The following ME1 variants were observed in gnomAD, a reference collection of about 807,000 sequenced individuals.
ME1 encodes the protein NADP-dependent malic enzyme.
ME1 carries 74 observed loss-of-function variants against 66.4 expected under a neutral mutation model. The observed-to-expected ratio is 1.11, with a 90% confidence interval of 0.92 to 1.35. The LOEUF is 1.35. ME1 is among the 40% of genes most tolerant of loss of function. The pLI is 0.00. For missense variants in ME1, 750 were observed against 694.1 expected (o/e 1.08, Z -0.90); for synonymous variants, 251 against 235.6 (o/e 1.07, Z -0.60).
chr6:83,260,522 T>C (rs779271960), intron 6 of ME1, among the ~76,000 whole-genome samples: 5 of 152,202 alleles, frequency 3.3e-5, no homozygotes, highest in Non-Finnish European at 7.3e-5. Flanking sequence ...ATCACCTAGA[T>C]GCTAAGCCTG....
intron 1 of ME1, among the ~76,000 whole-genome samples, chr6:83,423,635 C>A (rs1022865295): frequency 2.0e-5 from 3 of 151,662 alleles, no homozygotes; most frequent in African/African-American, 7.3e-5. Context: ...TGTGTTTCTA[C>A]AAAAAATATG....
chr6:83,230,805 A>C (rs1790293567), intron 9 of ME1, among the ~76,000 whole-genome samples: 1 of 151,888 alleles, frequency 6.6e-6, no homozygotes, highest in South Asian at 2.1e-4. Flanking sequence ...TGGTGGCAGG[A>C]GCCTGTAGTC....
intron 5 of ME1, among the ~76,000 whole-genome samples, chr6:83,321,695 C>T (rs1294992635): frequency 6.6e-6 from 1 of 152,204 alleles, no homozygotes; most frequent in Non-Finnish European, 1.5e-5. Flanking sequence ...GGACAGAACA[C>T]CTGAGGCAAA....
chr6:83,351,177 G>A (rs575431607), intron 4 of ME1, among the ~76,000 whole-genome samples: 11 of 152,142 alleles, frequency 7.2e-5, no homozygotes, highest in African/African-American at 1.7e-4. Context: ...GGAGGACTGC[G>A]TGAGGTCAGG....
intron 1 of ME1, among the ~76,000 whole-genome samples, chr6:83,430,586 A>C (rs1266057992): frequency 6.6e-6 from 1 of 152,254 alleles, no homozygotes; most frequent in Non-Finnish European, 1.5e-5. Flanking sequence ...GCTGCCGAAA[A>C]GTATCACCTT....
intron 6 of ME1, among the ~76,000 whole-genome samples, chr6:83,257,008 A>C (rs1766785265): frequency 6.6e-6 from 1 of 151,374 alleles, no homozygotes; most frequent in South Asian, 2.1e-4. Context: ...ACATGGACAC[A>C]GGGAGGGGAA....
At chr6:83,414,741 A>C (rs1770127192) in intron 1 of ME1, among the ~76,000 whole-genome samples, 1 of 152,218 alleles carries the variant, frequency 6.6e-6, no homozygotes, top group Non-Finnish European at 1.5e-5. Context: ...GTAAGGCTGA[A>C]AAATTGTTAG....
rs763964199 is a variant in ME1, at chr6:83,253,694, A to C, written c.749T>G (p.Val250Gly). 26 of 1,611,052 alleles carry C rather than the reference A, an allele frequency of 1.6e-5. 1 individual carries two copies. In the South Asian group the frequency reaches 1.8e-4, roughly 11 times the overall value. ...CLIQFEDFAN[V>G]NAFRLLNKYR... ...CTTGTTCAGGAGACGAAATGCATTC[A>C]CATTGGCAAAATCTTCAAACTGAAT... Residue 250 changes from valine (V) to glycine (G), a missense_variant, in exon 7 of 14, where the codon GTG becomes GGG. By Grantham distance (109) the Val-to-Gly change is moderately radical. Coordinates refer to ENST00000369705, the MANE Select transcript of ME1 (RefSeq NM_002395.6).
intron 3 of ME1, among the ~76,000 whole-genome samples, chr6:83,363,261 G>A (rs546345283): frequency 3.3e-5 from 5 of 152,238 alleles, no homozygotes; most frequent in South Asian, 2.1e-4. Flanking sequence ...ACACAACAAC[G>A]ATTCCATTAA....
At chr6:83,420,212 C>T (rs542503608) in intron 1 of ME1, among the ~76,000 whole-genome samples, 8 of 152,216 alleles carry the variant, frequency 5.3e-5, no homozygotes, top group Non-Finnish European at 8.8e-5. Context: ...GGACTACAGG[C>T]GCCCACCGCC....
chr6:83,228,001 T>C (rs1790230556), intron 10 of ME1, among the ~76,000 whole-genome samples: 2 of 152,164 alleles, frequency 1.3e-5, no homozygotes, highest in Admixed American at 1.3e-4. Flanking sequence ...GTAAAAACAA[T>C]ATTAAACACT....
At chr6:83,269,248 G>GT (rs3839447) in intron 6 of ME1, among the ~76,000 whole-genome samples, 9 of 151,306 alleles carry the variant, frequency 5.9e-5, no homozygotes, top group South Asian at 2.1e-4. Flanking sequence ...ATTTATGTTT[G>GT]TTTTTTTTCT....
At chr6:83,425,103 C>T (rs1307551524) in intron 1 of ME1, among the ~76,000 whole-genome samples, 1 of 152,100 alleles carries the variant, frequency 6.6e-6, no homozygotes, top group Non-Finnish European at 1.5e-5. Flanking sequence ...GGCCTCCCAC[C>T]TCAGCCACTC....
intron 1 of ME1, among the ~76,000 whole-genome samples, chr6:83,422,910 C>G (rs1245491171): frequency 6.6e-6 from 1 of 151,604 alleles, no homozygotes; most frequent in Admixed American, 6.6e-5. Flanking sequence ...CATCAGAGTC[C>G]CAGAAAGAGA....
intron 7 of ME1, among the ~76,000 whole-genome samples, chr6:83,246,917 C>T (rs1295921793): frequency 6.6e-6 from 1 of 152,070 alleles, no homozygotes; most frequent in Non-Finnish European, 1.5e-5. Flanking sequence ...AAATCAGTTT[C>T]TCACTTGCTG....
chr6:83,362,705 G>T (rs1221166091), intron 3 of ME1, among the ~76,000 whole-genome samples: 1 of 152,140 alleles, frequency 6.6e-6, no homozygotes, highest in Non-Finnish European at 1.5e-5. Flanking sequence ...AAAGGACAGA[G>T]GTTTGTCCTC....
intron 5 of ME1, among the ~76,000 whole-genome samples, chr6:83,321,645 C>T (rs953371222): frequency 7.2e-5 from 11 of 152,182 alleles, no homozygotes; most frequent in Non-Finnish European, 1.6e-4. Flanking sequence ...AAAGCAGCAG[C>T]CCCAGTCAGG....
At chr6:83,354,301 A>G (rs1053679443) in intron 3 of ME1, among the ~76,000 whole-genome samples, 2 of 151,946 alleles carry the variant, frequency 1.3e-5, no homozygotes, top group African/African-American at 4.8e-5. Flanking sequence ...TAATTTTTGT[A>G]TTTTTAGTAG....
At chr6:83,281,823 A>AG (rs1451210297) in intron 6 of ME1, among the ~76,000 whole-genome samples, 2 of 143,422 alleles carry the variant, frequency 1.4e-5, no homozygotes, top group African/African-American at 2.5e-5. Flanking sequence ...AAAAAAAAAA[A>AG]AAAAAAAAAA....
Sources: allele counts gnomAD v4.1 joint callset (sites outside exome capture counted in the v4.1 genomes callset), GRCh38; gene constraint gnomAD v4.1.1; transcripts MANE v1.5; gene names NCBI Gene and HGNC (gene_info 2026-07-23, HGNC 2026-07-21).